The following DCLK2 variants were observed in gnomAD, a reference collection of about 807,000 sequenced individuals.
The protein encoded by DCLK2 is serine/threonine-protein kinase DCLK2.
DCLK2 carries 31 observed loss-of-function variants against 78.4 expected under a neutral mutation model. The observed-to-expected ratio is 0.40, with a 90% CI of 0.30 to 0.53. DCLK2 has a LOEUF of 0.53. Ranked by LOEUF, DCLK2 falls within the 20% of genes least tolerant of loss-of-function variation. The pLI, the probability that DCLK2 is intolerant of heterozygous loss-of-function variation, is 0.61. For synonymous variants in DCLK2, 407 were observed against 374.9 expected, an observed-to-expected ratio of 1.09 and a Z score of -0.99; for missense variants, 872 against 973.7, an observed-to-expected ratio of 0.90 and a Z score of 1.39.
At chr4:150,224,433 A>C (rs182668674) in intron 7 of DCLK2, 68 bp from the exon 8 acceptor site, 4 of 1,448,592 alleles carry the variant, frequency 2.8e-6, no homozygotes, top group Non-Finnish European at 3.8e-6. Flanking sequence ...AGTATAAAAA[A>C]GAAAGAAAAC....
At chr4:150,179,169 A>T (rs983919912) in intron 2 of DCLK2, among the ~76,000 whole-genome samples, 1 of 152,048 alleles carries the variant, frequency 6.6e-6, no homozygotes, top group South Asian at 2.1e-4. Context: ...CTGGGACTAC[A>T]GGCGCCCGCC....
At chr4:150,158,265 G>T (rs566469674) in intron 2 of DCLK2, among the ~76,000 whole-genome samples, 7 of 152,058 alleles carry the variant, frequency 4.6e-5, no homozygotes, top group Non-Finnish European at 8.8e-5. Context: ...AAGGACACTG[G>T]TCACATTGGA....
At chr4:150,115,405 C>G (rs62338169) in intron 2 of DCLK2, among the ~76,000 whole-genome samples, 20,824 of 151,982 alleles carry the variant, frequency 0.14, 1,824 homozygotes, top group Non-Finnish European at 0.19. Context: ...TGCTGAAGAG[C>G]TAGTGTGATC....
At chr4:150,140,906 T>C (rs920587238) in intron 2 of DCLK2, among the ~76,000 whole-genome samples, 1 of 152,212 alleles carries the variant, frequency 6.6e-6, no homozygotes, top group African/African-American at 2.4e-5. Context: ...GGATGGAAAC[T>C]TATTTGTTAT....
At chr4:150,080,357 TC>T (rs201417875) in intron 1 of DCLK2, among the ~76,000 whole-genome samples, 1,746 of 152,304 alleles carry the variant, frequency 0.011, 16 homozygotes, top group Middle Eastern at 0.044. Flanking sequence ...TGTTGGGTCA[TC>T]CTTGAATTCC....
At chr4:150,221,409 C>T (rs1249724753) in intron 6 of DCLK2, among the ~76,000 whole-genome samples, 3 of 150,530 alleles carry the variant, frequency 2.0e-5, no homozygotes, top group Non-Finnish European at 3.0e-5. Flanking sequence ...AGTGAAATAT[C>T]CTTTTTACCT....
rs1743436836 is a variant in DCLK2 at position 150,247,719 on chromosome 4, C to A, written c.1875+20C>A. The A allele has an allele frequency of 1.2e-6, 2 of 1,602,898 alleles. No individual in the cohort carries two copies. Among genetic ancestry groups the A allele is most frequent in the Non-Finnish European group, 1.7e-6 (2 of 1,170,462 alleles). On this transcript the variant is annotated intron_variant, in intron 13 of 15. Coordinates refer to ENST00000296550, the MANE Select transcript of DCLK2 (RefSeq NM_001040260.4). ...GCCAAGGTACCCTCCAGGCCTGTTT[C>A]TGTGGGTTGTATTACGTTGTGGGGT...
At chr4:150,224,404 C>CAAAA in intron 7 of DCLK2, 97 bp from the exon 8 acceptor site, 23 of 915,974 alleles carry the variant, frequency 2.5e-5, no homozygotes, top group South Asian at 6.4e-5. Context: ...CTCATCTCTA[C>CAAAA]AAAAAAAAAA....
intron 2 of DCLK2, among the ~76,000 whole-genome samples, chr4:150,169,427 G>A (rs1359708536): frequency 6.6e-6 from 1 of 152,226 alleles, no homozygotes; most frequent in African/African-American, 2.4e-5. Context: ...GGGAAGCTGA[G>A]GCGGTTGGAT....
At chr4:150,178,113 A>G (rs571350000) in intron 2 of DCLK2, among the ~76,000 whole-genome samples, 7 of 152,218 alleles carry the variant, frequency 4.6e-5, no homozygotes, top group South Asian at 2.1e-4. Flanking sequence ...TTCTACCCTC[A>G]TTGTGAAGCT....
intron 1 of DCLK2, among the ~76,000 whole-genome samples, chr4:150,081,714 A>G (rs1221781141): frequency 6.6e-6 from 1 of 151,940 alleles, no homozygotes; most frequent in East Asian, 1.9e-4. Flanking sequence ...AAGAAAATAT[A>G]GGTACAATAG....
intron 8 of DCLK2, 90 bp from the exon 9 acceptor site, chr4:150,232,247 C>A: frequency 6.7e-7 from 1 of 1,488,276 alleles, no homozygotes; most frequent in Non-Finnish European, 9.1e-7. Flanking sequence ...ATCAGATCCA[C>A]AGGCTGTGTT....
intron 2 of DCLK2, among the ~76,000 whole-genome samples, chr4:150,133,180 A>G (rs1354609680): frequency 6.6e-6 from 1 of 152,222 alleles, no homozygotes; most frequent in Non-Finnish European, 1.5e-5. Context: ...TAAATCACCA[A>G]CAAAAAGGTC....
At chr4:150,107,072 G>A (rs1244352199) in intron 2 of DCLK2, among the ~76,000 whole-genome samples, 2 of 152,148 alleles carry the variant, frequency 1.3e-5, no homozygotes, top group Non-Finnish European at 2.9e-5. Flanking sequence ...ACTGGCATCC[G>A]GTGGGTAGAA....
intron 1 of DCLK2, among the ~76,000 whole-genome samples, chr4:150,102,215 A>G (rs1730938512): frequency 6.6e-6 from 1 of 152,212 alleles, no homozygotes; most frequent in Admixed American, 6.5e-5. Context: ...TGGAGAAATG[A>G]ATTATCCAAG....
intron 5 of DCLK2, among the ~76,000 whole-genome samples, chr4:150,211,210 GC>G (rs1043968744): frequency 1.4e-4 from 22 of 152,238 alleles, no homozygotes; most frequent in Admixed American, 8.5e-4. Context: ...GCTGGTGCTG[GC>G]TGTTGGCAGA....
chr4:150,212,972 T>C (rs1740425629), intron 5 of DCLK2, among the ~76,000 whole-genome samples: 1 of 152,180 alleles, frequency 6.6e-6, no homozygotes, highest in African/African-American at 2.4e-5. Context: ...ACCTCTCTCA[T>C]CACCCTGGCA....
At chr4:150,172,360 T>C (rs546470838) in intron 2 of DCLK2, among the ~76,000 whole-genome samples, 2 of 151,916 alleles carry the variant, frequency 1.3e-5, no homozygotes, top group East Asian at 1.9e-4. Flanking sequence ...TCCCAGCACT[T>C]TGGGAGGCCG....
chr4:150,143,541 A>T (rs183366230), intron 2 of DCLK2, among the ~76,000 whole-genome samples: 3 of 149,628 alleles, frequency 2.0e-5, no homozygotes, highest in Admixed American at 2.0e-4. Flanking sequence ...TAATATAATG[A>T]TTTTTTTTCC....
Sources: gnomAD v4.1 joint callset for allele counts (sites outside exome capture counted in the v4.1 genomes callset) on GRCh38, gnomAD v4.1.1 for gene constraint, MANE v1.5 for transcripts, NCBI Gene and HGNC (gene_info 2026-07-23, HGNC 2026-07-21) for gene names.